Variants in CTNNA3 observed in about 807,000 individuals in gnomAD.
CTNNA3 encodes the protein catenin alpha 3.
A neutral mutation model predicts 95.7 loss-of-function variants in CTNNA3; 76 were observed. The ratio of observed to expected loss-of-function variants is 0.79; its 90% CI spans 0.66 to 0.96. The LOEUF (loss-of-function observed/expected upper bound fraction) is 0.96, where lower values mean the gene tolerates loss of function less well. Among genes scored for constraint, CTNNA3 ranks in the 40% least tolerant of loss-of-function variants. The pLI is 0.00. For missense variants in CTNNA3, 1,191 were observed against 1,089.8 expected (o/e 1.09, Z -1.31); for synonymous variants, 431 against 374.4 (o/e 1.15, Z -1.74).
At chr10:67,326,492 T>C (rs962098368) in intron 5 of CTNNA3, among the ~76,000 whole-genome samples, 2 of 152,218 alleles carry the variant, frequency 1.3e-5, no homozygotes, top group African/African-American at 4.8e-5. Context: ...CAGCTTAGTT[T>C]GGCCGGATAA....
intron 5 of CTNNA3, among the ~76,000 whole-genome samples, chr10:67,378,861 A>T (rs1052318494): frequency 9.8e-5 from 15 of 152,314 alleles, no homozygotes; most frequent in Non-Finnish European, 1.6e-4. Flanking sequence ...AATAAGTAAC[A>T]TATAAGGGCA....
intron 9 of CTNNA3, among the ~76,000 whole-genome samples, chr10:66,705,079 T>C (rs959536641): frequency 1.3e-4 from 20 of 152,086 alleles, no homozygotes; most frequent in African/African-American, 4.8e-4. Context: ...ATTCCCAGTT[T>C]TTACTTTAGT....
chr10:66,112,012 G>A (rs1353796228), intron 13 of CTNNA3, among the ~76,000 whole-genome samples: 3 of 152,058 alleles, frequency 2.0e-5, no homozygotes, highest in African/African-American at 7.2e-5. Context: ...AACATAATAA[G>A]GCTGTGACAA....
chr10:67,445,415 A>T (rs759947089), intron 5 of CTNNA3, among the ~76,000 whole-genome samples: 13 of 152,010 alleles, frequency 8.6e-5, no homozygotes, highest in Non-Finnish European at 1.9e-4. Context: ...AGACCTGTTG[A>T]TCTGTTGCCT....
At chr10:66,739,608 T>C (rs1849259696) in intron 9 of CTNNA3, among the ~76,000 whole-genome samples, 1 of 152,196 alleles carries the variant, frequency 6.6e-6, no homozygotes, top group African/African-American at 2.4e-5. Flanking sequence ...TTATCTTATA[T>C]ATAGATAGCT....
chr10:66,017,412 C>G (rs529399888), intron 15 of CTNNA3, among the ~76,000 whole-genome samples: 1 of 152,190 alleles, frequency 6.6e-6, no homozygotes, highest in Non-Finnish European at 1.5e-5. Context: ...TATTAGTAGA[C>G]TTGAAACATT....
chr10:66,414,265 A>C (rs1249578281), intron 11 of CTNNA3, among the ~76,000 whole-genome samples: 2 of 152,248 alleles, frequency 1.3e-5, no homozygotes, highest in South Asian at 2.1e-4. Context: ...TTCTCCACTA[A>C]AAAGAGCTAA....
At chr10:67,130,413 T>A (rs181697870) in intron 7 of CTNNA3, among the ~76,000 whole-genome samples, 1 of 152,162 alleles carries the variant, frequency 6.6e-6, no homozygotes, top group East Asian at 1.9e-4. Context: ...AAAAGGTTGC[T>A]GACCCTAACA....
At chr10:66,990,800 T>A (rs924824456) in intron 7 of CTNNA3, among the ~76,000 whole-genome samples, 1 of 152,194 alleles carries the variant, frequency 6.6e-6, no homozygotes, top group African/African-American at 2.4e-5. Flanking sequence ...CCAAAATCTG[T>A]CCTTTACCAA....
rs3057678 is a variant in CTNNA3 at position 67,350,910 on chromosome 10, G to GTATATATA, written c.580-131048_580-131041dup. Among the ~76,000 whole-genome samples, 1,056 of 141,788 alleles carry GTATATATA rather than the reference G, an allele frequency of 7.4e-3. 8 individuals carry two copies. The highest frequency in any genetic ancestry group is 0.018 in the African/African-American group (694 of 38,698). The allele number at this position is 141,788 out of a possible 152,430, so 93.0% of individuals were successfully genotyped here. A position where few individuals can be genotyped will look rare whatever the true frequency, so the allele number is the denominator to read the frequency against. On this transcript the variant is annotated intron_variant, in intron 5 of 17. Coordinates refer to ENST00000433211, the MANE Select transcript of CTNNA3 (RefSeq NM_013266.4). ...AAATCTGTATGTGAAAAAAGTATGT[G>GTATATATA]TATATATATATATATATATATGCAT...
intron 7 of CTNNA3, among the ~76,000 whole-genome samples, chr10:66,956,424 A>T (rs969359987): frequency 2.6e-5 from 4 of 151,998 alleles, no homozygotes; most frequent in African/African-American, 4.8e-5. Context: ...AAACCAACTG[A>T]TATCCAGAGT....
At chr10:67,367,565 G>C (rs919694142) in intron 5 of CTNNA3, among the ~76,000 whole-genome samples, 7 of 152,050 alleles carry the variant, frequency 4.6e-5, no homozygotes, top group Middle Eastern at 3.2e-3. Flanking sequence ...CCAATACTAG[G>C]GATATATCCA....
chr10:67,708,492 A>G (rs1332765816), intron 1 of CTNNA3, among the ~76,000 whole-genome samples: 1 of 152,166 alleles, frequency 6.6e-6, no homozygotes, highest in South Asian at 2.1e-4. Context: ...TGAAATTAAC[A>G]TTTACTGTCA....
At chr10:67,754,865 A>G (rs974509364) in intron 1 of CTNNA3, among the ~76,000 whole-genome samples, 2 of 152,112 alleles carry the variant, frequency 1.3e-5, no homozygotes, top group African/African-American at 4.8e-5. Flanking sequence ...TAATCTGATC[A>G]GAAAATGGGC....
At chr10:67,363,054 C>T (rs775137699) in intron 5 of CTNNA3, among the ~76,000 whole-genome samples, 1 of 151,910 alleles carries the variant, frequency 6.6e-6, no homozygotes, top group African/African-American at 2.4e-5. Context: ...ATTCATCTAA[C>T]CAAGGAGGTA....
intron 5 of CTNNA3, among the ~76,000 whole-genome samples, chr10:67,421,983 C>G (rs1211605451): frequency 6.6e-6 from 1 of 152,100 alleles, no homozygotes; most frequent in African/African-American, 2.4e-5. Flanking sequence ...GACACAATAT[C>G]GCTTTGTGCT....
intron 9 of CTNNA3, among the ~76,000 whole-genome samples, chr10:66,668,155 C>A (rs1846522732): frequency 6.6e-6 from 1 of 152,040 alleles, no homozygotes; most frequent in Admixed American, 6.6e-5. Flanking sequence ...AAAAGAGTTT[C>A]TTTCCAACAC....
chr10:65,976,369 T>A (rs1326635924), intron 16 of CTNNA3, among the ~76,000 whole-genome samples: 1 of 152,092 alleles, frequency 6.6e-6, no homozygotes, highest in African/African-American at 2.4e-5. Context: ...AATAACCAAT[T>A]GCAATCACTC....
chr10:67,741,715 C>T (rs933227091), intron 1 of CTNNA3, among the ~76,000 whole-genome samples: 1 of 151,064 alleles, frequency 6.6e-6, no homozygotes, highest in East Asian at 1.9e-4. Flanking sequence ...GACTGGCAAA[C>T]TGGATAAAGA....
Sources: allele counts gnomAD v4.1 joint callset (sites outside exome capture counted in the v4.1 genomes callset), GRCh38; gene constraint gnomAD v4.1.1; transcripts MANE v1.5; gene names NCBI Gene and HGNC (gene_info 2026-07-23, HGNC 2026-07-21).